The following RRBP1 variants were observed in gnomAD, a reference collection of about 807,000 sequenced individuals.
The protein encoded by RRBP1 is ribosome binding protein 1.
In RRBP1, 94 loss-of-function variants were observed where a neutral mutation model predicts 165.2. The ratio of observed to expected loss-of-function variants is 0.57; its 90% CI spans 0.48 to 0.68. The LOEUF (loss-of-function observed/expected upper bound fraction) is 0.68. RRBP1 is among the 30% of genes least tolerant of loss of function. The pLI is 0.00. For missense variants in RRBP1, 1,676 were observed against 1,763.0 expected (o/e 0.95, Z 0.88); for synonymous variants, 680 against 714.5 (o/e 0.95, Z 0.77).
intron 5 of RRBP1, among the ~76,000 whole-genome samples, chr20:17,640,446 G>A (rs1461041512): frequency 6.6e-6 from 1 of 152,192 alleles, no homozygotes. Context: ...AGGGTGAGTG[G>A]CTGAGCTGGG....
intron 2 of RRBP1, among the ~76,000 whole-genome samples, chr20:17,664,399 T>A (rs1246715871): frequency 1.3e-5 from 2 of 152,204 alleles, no homozygotes; most frequent in Non-Finnish European, 2.9e-5. Context: ...TTTCTGCTGG[T>A]AACTGAAACC....
At chr20:17,669,701 T>C (rs143941759) in intron 2 of RRBP1, among the ~76,000 whole-genome samples, 2 of 152,334 alleles carry the variant, frequency 1.3e-5, no homozygotes, top group East Asian at 1.9e-4. Flanking sequence ...TCTTAGTTTT[T>C]CATAGTTTTC....
intron 5 of RRBP1, among the ~76,000 whole-genome samples, chr20:17,638,295 T>C (rs1442447653): frequency 6.6e-6 from 1 of 152,212 alleles, no homozygotes; most frequent in African/African-American, 2.4e-5. Flanking sequence ...AAGTAGATGG[T>C]CCAGCCTTGC....
At chr20:17,670,779 T>G (rs2122494618) in intron 2 of RRBP1, among the ~76,000 whole-genome samples, 1 of 152,364 alleles carries the variant, frequency 6.6e-6, no homozygotes, top group South Asian at 2.1e-4. Flanking sequence ...CTCTCACTGT[T>G]GAATTTTTCC....
intron 24 of RRBP1, 124 bp downstream of exon 24, chr20:17,614,613 G>GGCTCCCAGCCCAGC: frequency 7.9e-7 from 1 of 1,263,188 alleles, no homozygotes; most frequent in East Asian, 2.5e-5. Context: ...CCTCCCCTGG[G>GGCTCCCAGCCCAGC]GCTCCCAGCC....
chr20:17,630,107 G>T, intron 8 of RRBP1, 146 bp from the exon 9 acceptor site: 1 of 872,580 alleles, frequency 1.1e-6, no homozygotes, highest in Non-Finnish European at 1.7e-6. Context: ...CATCCCTCGA[G>T]GCTCTAGAAC....
At chr20:17,641,218 G>A (rs561631040) in intron 5 of RRBP1, among the ~76,000 whole-genome samples, 35 of 152,324 alleles carry the variant, frequency 2.3e-4, no homozygotes, top group Middle Eastern at 3.4e-3. Flanking sequence ...CATCAGCCCC[G>A]TCCTATGGCA....
chr20:17,620,175 G>A, intron 18 of RRBP1, 124 bp downstream of exon 18: 1 of 742,750 alleles, frequency 1.3e-6, no homozygotes, highest in Admixed American at 2.0e-5. Flanking sequence ...TGGCTTGAGA[G>A]AGAATGCCTC....
Position 17,633,653 on chromosome 20 carries a change from G to C in RRBP1, c.2457-40C>G, listed in dbSNP as rs776353602. On this transcript the variant is annotated intron_variant, in intron 7 of 24. Coordinates refer to ENST00000377813, the MANE Select transcript of RRBP1 (RefSeq NM_001365613.2). Reference sequence around the variant, plus strand: ...CCAGCCCGACTAATGGAAAGAAAAGGGTGATGGGATCGGTGGTCCAAGCCC... The same window carrying C: ...CCAGCCCGACTAATGGAAAGAAAAGCGTGATGGGATCGGTGGTCCAAGCCC... The C allele has an allele frequency of 3.1e-6, 5 of 1,605,204 alleles. No individual in the cohort carries two copies. The East Asian group carries it at 1.1e-4, about 36-fold the overall frequency.
At chr20:17,658,023 C>T (rs140653389) in intron 3 of RRBP1, among the ~76,000 whole-genome samples, 205 of 152,362 alleles carry the variant, frequency 1.3e-3, no homozygotes, top group African/African-American at 4.6e-3. Context: ...CAGAACTCTT[C>T]TACACTGTGT....
intron 2 of RRBP1, among the ~76,000 whole-genome samples, chr20:17,668,628 G>T (rs1449235604): frequency 6.6e-6 from 1 of 152,302 alleles, no homozygotes; most frequent in Non-Finnish European, 1.5e-5. Flanking sequence ...CTCCCCTTGC[G>T]ACTACTGGGC....
At chr20:17,618,387 T>C (rs1196845611) in intron 20 of RRBP1, among the ~76,000 whole-genome samples, 1 of 152,198 alleles carries the variant, frequency 6.6e-6, no homozygotes, top group African/African-American at 2.4e-5. Context: ...GGGAGCACCC[T>C]GGTCCCAACA....
intron 4 of RRBP1, 91 bp downstream of exon 4, chr20:17,642,888 T>C (rs1406748282): frequency 1.5e-6 from 2 of 1,364,554 alleles, no homozygotes; most frequent in Admixed American, 1.9e-5. Context: ...GGCTGTCCTA[T>C]GAATGTCCTC....
At chr20:17,663,440 C>A (rs908793038) in intron 2 of RRBP1, among the ~76,000 whole-genome samples, 3 of 152,208 alleles carry the variant, frequency 2.0e-5, no homozygotes, top group Non-Finnish European at 1.5e-5. Context: ...TATAGCAGCA[C>A]AAATGTGTCT....
intron 6 of RRBP1, among the ~76,000 whole-genome samples, chr20:17,635,975 T>C (rs890900852): frequency 6.6e-6 from 1 of 152,164 alleles, no homozygotes; most frequent in South Asian, 2.1e-4. Context: ...GGTCACATGG[T>C]TGACTGTTCT....
intron 4 of RRBP1, 112 bp downstream of exon 4, chr20:17,642,867 A>G: frequency 8.3e-7 from 1 of 1,204,332 alleles, no homozygotes; most frequent in Non-Finnish European, 1.2e-6. Flanking sequence ...CTGCCAGGAA[A>G]GAGAAGTGGA....
At chr20:17,617,003 G>A (rs966200801) in intron 20 of RRBP1, among the ~76,000 whole-genome samples, 164 bp from the exon 21 acceptor site, 10 of 152,114 alleles carry the variant, frequency 6.6e-5, no homozygotes, top group Admixed American at 2.0e-4. Flanking sequence ...CACCCCCGCC[G>A]CCAACCTGAG....
At chr20:17,637,632 T>C (rs1156402977) in intron 5 of RRBP1, among the ~76,000 whole-genome samples, 1 of 152,152 alleles carries the variant, frequency 6.6e-6, no homozygotes, top group Non-Finnish European at 1.5e-5. Context: ...ACCAGGACTA[T>C]AGGGAGGCCT....
chr20:17,637,740 T>G (rs1388915348), intron 5 of RRBP1, among the ~76,000 whole-genome samples: 1 of 152,206 alleles, frequency 6.6e-6, no homozygotes, highest in Non-Finnish European at 1.5e-5. Context: ...TGGTACTCTC[T>G]GGGACCTCCT....
Sources: allele counts gnomAD v4.1 joint callset (sites outside exome capture counted in the v4.1 genomes callset), GRCh38; gene constraint gnomAD v4.1.1; transcripts MANE v1.5; gene names NCBI Gene and HGNC (gene_info 2026-07-23, HGNC 2026-07-21).